CD244: variants seen among roughly 807,000 people sequenced by gnomAD.
CD244 encodes CD244 molecule.
Under a neutral mutation model 45.5 loss-of-function variants are expected in CD244, and 20 were observed. The ratio of observed to expected loss-of-function variants is 0.44; its 90% confidence interval spans 0.31 to 0.64. CD244 has a LOEUF of 0.64. Ranked by LOEUF, CD244 falls within the 30% of genes least tolerant of loss-of-function variation. The probability of loss-of-function intolerance (pLI) is 0.08; values close to 1 mark genes in which losing one functional copy is unlikely to be tolerated. For synonymous variants in CD244, 185 were observed against 160.5 expected (o/e 1.15, Z -1.15); for missense variants, 407 against 426.9 (o/e 0.95, Z 0.41).
At chr1:160,857,458 G>C (rs1670151188) in intron 1 of CD244, among the ~76,000 whole-genome samples, 1 of 152,218 alleles carries the variant, frequency 6.6e-6, no homozygotes, top group South Asian at 2.1e-4. Context: ...ATACAGCCAT[G>C]AAAATGATCT....
intron 7 of CD244, among the ~76,000 whole-genome samples, chr1:160,832,899 T>A (rs67688009): frequency 6.9e-6 from 1 of 144,004 alleles, no homozygotes; most frequent in East Asian, 2.1e-4. Context: ...CACACACACA[T>A]ATATATACAT....
chr1:160,838,648 C>G (rs1213694189), intron 4 of CD244, 130 bp from the exon 5 acceptor site: 1 of 721,708 alleles, frequency 1.4e-6, no homozygotes, highest in African/African-American at 1.8e-5. Context: ...CAAGTTAATG[C>G]TCTTCCCAGG....
At chr1:160,836,638 G>A (rs1003968423) in intron 5 of CD244, among the ~76,000 whole-genome samples, 1 of 152,186 alleles carries the variant, frequency 6.6e-6, no homozygotes, top group African/African-American at 2.4e-5. Context: ...ACCAAACACA[G>A]TTAAGCCCTC....
intron 1 of CD244, among the ~76,000 whole-genome samples, chr1:160,845,065 C>A (rs565756223): frequency 1.3e-5 from 2 of 152,238 alleles, no homozygotes; most frequent in East Asian, 3.9e-4. Flanking sequence ...CAAGAGGAAA[C>A]CAAAAGAACC....
chr1:160,835,509 G>A (rs1329053109), intron 6 of CD244, among the ~76,000 whole-genome samples: 1 of 152,128 alleles, frequency 6.6e-6, no homozygotes. Flanking sequence ...CTACCCAGGA[G>A]GCTGAGGTGG....
intron 1 of CD244, among the ~76,000 whole-genome samples, chr1:160,855,081 G>A (rs2101892345): frequency 6.6e-6 from 1 of 152,328 alleles, no homozygotes; most frequent in East Asian, 1.9e-4. Flanking sequence ...CCATTTACAG[G>A]AGTAGATGAA....
chr1:160,850,353 G>A (rs896954101), intron 1 of CD244, among the ~76,000 whole-genome samples: 8 of 152,050 alleles, frequency 5.3e-5, no homozygotes, highest in African/African-American at 1.9e-4. Context: ...CTATACCATG[G>A]TTTTTATTGG....
At chr1:160,844,531 T>G (rs1047951219) in intron 1 of CD244, among the ~76,000 whole-genome samples, 3 of 152,240 alleles carry the variant, frequency 2.0e-5, no homozygotes, top group African/African-American at 7.2e-5. Flanking sequence ...CTGCTAGTTC[T>G]AAGCCTAGAT....
intron 1 of CD244, chr1:160,847,977 C>T (rs561106143): frequency 4.6e-6 from 1 of 216,680 alleles, no homozygotes; most frequent in Admixed American, 5.1e-5. Context: ...TTTGGAGGTG[C>T]CTTCACCACC....
chr1:160,852,873 A>G (rs1036183361), intron 1 of CD244, among the ~76,000 whole-genome samples: 1 of 152,080 alleles, frequency 6.6e-6, no homozygotes, highest in African/African-American at 2.4e-5. Context: ...AAGAAAAAAA[A>G]TTAGCTGGGC....
Position 160,831,359 on chromosome 1 carries a change from A to T in CD244, c.1086T>A (p.Asp362Glu). Residue 362 changes from aspartate (D) to glutamate (E), a missense_variant, in exon 9 of 9, where the codon GAT becomes GAA. Transcript: ENST00000368034. ...ATTGCTGCAGCAACTAGGAATAAAC[A>T]TCAAAGTTCTCCAGCTCTTTGCGGC... ...RLSRKELENFDVYS is the reference protein window; with the variant it reads ...RLSRKELENFEVYS 6.2e-7 allele frequency: 1 copy of T among 1,613,818 alleles called. No individual in the cohort carries two copies. Among genetic ancestry groups the T allele is most frequent in the Non-Finnish European group, 8.5e-7 (1 of 1,179,660 alleles).
intron 1 of CD244, chr1:160,848,589 A>C: frequency 2.7e-6 from 1 of 370,986 alleles, no homozygotes; most frequent in Non-Finnish European, 5.2e-6. Flanking sequence ...GAGACCAAGA[A>C]GAATCTGAAC....
chr1:160,833,313 A>G (rs1423884726), intron 7 of CD244, among the ~76,000 whole-genome samples: 3 of 152,186 alleles, frequency 2.0e-5, no homozygotes, highest in African/African-American at 7.2e-5. Flanking sequence ...AACCCCTTCA[A>G]ACCTGTGGTC....
At chr1:160,834,677 A>G (rs745799065) in intron 6 of CD244, among the ~76,000 whole-genome samples, 1 of 152,188 alleles carries the variant, frequency 6.6e-6, no homozygotes, top group Non-Finnish European at 1.5e-5. Flanking sequence ...TAACACTCCT[A>G]TAAAATAAGA....
intron 1 of CD244, among the ~76,000 whole-genome samples, chr1:160,859,367 A>G (rs1337713981): frequency 1.3e-5 from 2 of 152,244 alleles, no homozygotes; most frequent in Non-Finnish European, 2.9e-5. Flanking sequence ...GCATGAAAGA[A>G]GAAGTCTTTG....
At chr1:160,836,052 G>A (rs1669319877) in intron 6 of CD244, 143 bp downstream of exon 6, 1 of 674,780 alleles carries the variant, frequency 1.5e-6, no homozygotes, top group Non-Finnish European at 2.7e-6. Flanking sequence ...CAAATAATGT[G>A]TTAATGCAAC....
rs772313052 is a variant in CD244 at position 160,831,412 on chromosome 1, G to A, written c.1033C>T (p.Pro345Ser). The change falls in exon 9 of 9, where the codon CCT (proline) becomes TCT (serine). Residue 345 changes from proline to serine, a missense_variant. Physicochemically the swap from Pro to Ser is moderately conservative, Grantham distance 74. Coordinates refer to ENST00000368034, the MANE Select transcript of CD244 (RefSeq NM_016382.4). ...TIYEVIGKSQ[P>S]KAQNPARLSR... Reference sequence around the variant, plus strand: ...AATCGAGCAGGGTTCTGGGCTTTAGGTTGACTCTTTCCAATCTGCAAAAGA... The same window carrying A: ...AATCGAGCAGGGTTCTGGGCTTTAGATTGACTCTTTCCAATCTGCAAAAGA... The A allele has an allele frequency of 6.2e-6, 10 of 1,613,728 alleles. No individual in the cohort carries two copies. In the Admixed American group the frequency reaches 1.5e-4, roughly 24 times the overall value.
chr1:160,856,858 G>C (rs556287175), intron 1 of CD244, among the ~76,000 whole-genome samples: 7 of 151,800 alleles, frequency 4.6e-5, no homozygotes, highest in African/African-American at 1.5e-4. Flanking sequence ...TACAGTAAAG[G>C]AAACAATTCA....
chr1:160,861,853 A>T (rs998259032), intron 1 of CD244, among the ~76,000 whole-genome samples: 2 of 152,108 alleles, frequency 1.3e-5, no homozygotes, highest in African/African-American at 4.8e-5. Flanking sequence ...TAAATAAATA[A>T]ATAAAAATTA....
Sources: allele counts gnomAD v4.1 joint callset (sites outside exome capture counted in the v4.1 genomes callset), GRCh38; gene constraint gnomAD v4.1.1; transcripts MANE v1.5; gene names NCBI Gene and HGNC (gene_info 2026-07-23, HGNC 2026-07-21).